Variants in TBC1D9 observed in about 807,000 individuals in gnomAD.
The protein encoded by TBC1D9 is TBC1 domain family member 9A.
In TBC1D9, 63 loss-of-function variants were observed where a neutral mutation model predicts 132.0. That is an observed-to-expected ratio of 0.48 (90% CI 0.39 to 0.59). The LOEUF is 0.59. TBC1D9 is among the 20% of genes least tolerant of loss of function. The pLI is 0.00. For synonymous variants in TBC1D9, 610 were observed against 609.9 expected (o/e 1.00, Z 0.00); for missense variants, 1,261 against 1,592.7 (o/e 0.79, Z 3.54).
chr4:140,749,240 T>A (rs1471974258), intron 1 of TBC1D9, among the ~76,000 whole-genome samples: 3 of 151,180 alleles, frequency 2.0e-5, no homozygotes, highest in Non-Finnish European at 4.4e-5. Flanking sequence ...AAGTACTGGT[T>A]AATAATATAA....
At chr4:140,630,455 T>TTGTCTGTCA (rs1263182569) in intron 16 of TBC1D9, among the ~76,000 whole-genome samples, 1 of 152,178 alleles carries the variant, frequency 6.6e-6, no homozygotes, top group African/African-American at 2.4e-5. Context: ...GATATCTGCA[T>TTGTCTGTCA]TGTCTGTCAC....
At chr4:140,650,474 C>T (rs955319390) in intron 13 of TBC1D9, among the ~76,000 whole-genome samples, 9 of 152,206 alleles carry the variant, frequency 5.9e-5, no homozygotes, top group African/African-American at 1.9e-4. Context: ...TTGTTAAGTG[C>T]CTTGATGAGC....
intron 1 of TBC1D9, among the ~76,000 whole-genome samples, chr4:140,719,996 C>G (rs1228337107): frequency 6.6e-6 from 1 of 152,132 alleles, no homozygotes; most frequent in African/African-American, 2.4e-5. Flanking sequence ...ATTTCTTCAC[C>G]CACTTAATGA....
chr4:140,655,233 T>A (rs190428615), intron 13 of TBC1D9, among the ~76,000 whole-genome samples: 2 of 152,318 alleles, frequency 1.3e-5, no homozygotes, highest in East Asian at 3.9e-4. Context: ...GTATTGCTTT[T>A]ATGATTCTAA....
chr4:140,643,640 C>CG (rs1737048818), intron 13 of TBC1D9: 140 of 1,039,462 alleles, frequency 1.3e-4, no homozygotes, highest in Non-Finnish European at 1.8e-4. Flanking sequence ...CCACAGGCAC[C>CG]TCCACTGGCT....
At chr4:140,669,105 C>T in intron 8 of TBC1D9, 38 bp from the exon 9 acceptor site, 1 of 1,602,286 alleles carries the variant, frequency 6.2e-7, no homozygotes, top group Non-Finnish European at 8.5e-7. Context: ...ATCCAAAGTA[C>T]CCTGAGGATG....
intron 15 of TBC1D9, among the ~76,000 whole-genome samples, chr4:140,638,483 G>A (rs1736913839): frequency 1.4e-5 from 2 of 146,508 alleles, no homozygotes; most frequent in South Asian, 2.2e-4. Context: ...CCAACATGGT[G>A]AAACCCCATC....
At chr4:140,718,267 A>G (rs1417761566) in intron 1 of TBC1D9, among the ~76,000 whole-genome samples, 1 of 140,286 alleles carries the variant, frequency 7.1e-6, no homozygotes, top group Non-Finnish European at 1.5e-5. Flanking sequence ...AAAAAAAAGT[A>G]CATTCAGCTA....
intron 2 of TBC1D9, among the ~76,000 whole-genome samples, chr4:140,698,049 C>A (rs1165738588): frequency 6.6e-6 from 1 of 152,138 alleles, no homozygotes; most frequent in Admixed American, 6.5e-5. Context: ...TGGTGGCTCT[C>A]CCTAACTTTT....
At chr4:140,666,615 G>A (rs540860324) in intron 9 of TBC1D9, among the ~76,000 whole-genome samples, 70 of 152,202 alleles carry the variant, frequency 4.6e-4, no homozygotes, top group South Asian at 4.1e-3. Flanking sequence ...TGGGATTACA[G>A]GCGTGAGCCA....
At chr4:140,697,357 AG>A (rs1737978045) in intron 2 of TBC1D9, among the ~76,000 whole-genome samples, 1 of 152,152 alleles carries the variant, frequency 6.6e-6, no homozygotes, top group Non-Finnish European at 1.5e-5. Flanking sequence ...ACTCCAGCCT[AG>A]GCGACAGAGT....
intron 16 of TBC1D9, among the ~76,000 whole-genome samples, chr4:140,632,991 A>G (rs4956327): frequency 0.24 from 36,385 of 152,158 alleles, 6,043 homozygotes; most frequent in African/African-American, 0.48. Context: ...ATAGATGAGT[A>G]CTTTATACAA....
At chr4:140,686,132 A>T (rs1737775981) in intron 3 of TBC1D9, among the ~76,000 whole-genome samples, 1 of 152,202 alleles carries the variant, frequency 6.6e-6, no homozygotes, top group Non-Finnish European at 1.5e-5. Context: ...AATAAAAGAA[A>T]AAAAAGGAAT....
At chr4:140,644,499 C>T (rs116577730) in intron 13 of TBC1D9, 195 of 296,522 alleles carry the variant, frequency 6.6e-4, no homozygotes, top group African/African-American at 4.4e-3. Context: ...GGCAGCCAGG[C>T]GGGGGGCTTT....
At chr4:140,642,510 G>A (rs1737019679) in intron 13 of TBC1D9, 2 of 1,156,964 alleles carry the variant, frequency 1.7e-6, no homozygotes, top group Non-Finnish European at 1.3e-6. Flanking sequence ...CTGAAAACTT[G>A]AAGGGTGACT....
At chr4:140,652,358 T>G (rs1737200426) in intron 13 of TBC1D9, among the ~76,000 whole-genome samples, 1 of 152,186 alleles carries the variant, frequency 6.6e-6, no homozygotes, top group Non-Finnish European at 1.5e-5. Flanking sequence ...GTCTATTCCT[T>G]CAGCTCTCCC....
chr4:140,645,045 A>G (rs1737082247), intron 13 of TBC1D9: 2 of 485,336 alleles, frequency 4.1e-6, no homozygotes, highest in South Asian at 1.6e-5. Context: ...TGCGGGGTCC[A>G]CAGACCAGCA....
chr4:140,710,855 C>T (rs1387725522), intron 1 of TBC1D9, among the ~76,000 whole-genome samples: 6 of 152,180 alleles, frequency 3.9e-5, no homozygotes, highest in Admixed American at 3.9e-4. Context: ...ATATTCAGGA[C>T]CCCTTGTTAA....
At chr4:140,639,797 C>A (rs1327625915) in intron 13 of TBC1D9, among the ~76,000 whole-genome samples, 7 of 152,182 alleles carry the variant, frequency 4.6e-5, no homozygotes, top group Admixed American at 1.3e-4. Flanking sequence ...TTGGAAGAAA[C>A]CTCCAACCCT....
Sources: gnomAD v4.1 joint callset for allele counts (sites outside exome capture counted in the v4.1 genomes callset) on GRCh38, gnomAD v4.1.1 for gene constraint, MANE v1.5 for transcripts, NCBI Gene and HGNC (gene_info 2026-07-23, HGNC 2026-07-21) for gene names.